The following REDIC1 variants were observed in gnomAD, a reference collection of about 807,000 sequenced individuals.
REDIC1 encodes the protein regulator of DNA class I crossover intermediates 1, also known as HEI10 Interacting Protein 1.
the REDIC1 span, among the ~76,000 whole-genome samples, chr12:39,672,810 A>G: frequency 6.6e-6 from 1 of 152,090 alleles, no homozygotes; most frequent in Non-Finnish European, 1.5e-5. Context: ...GGATATGTAG[A>G]TGCAAGGGTT....
chr12:39,739,796 G>T, the REDIC1 span, among the ~76,000 whole-genome samples: 4 of 152,248 alleles, frequency 2.6e-5, no homozygotes, highest in South Asian at 8.3e-4. Flanking sequence ...GGTGCCATCT[G>T]TTTCTCTACC....
the REDIC1 span, among the ~76,000 whole-genome samples, chr12:39,653,388 A>G: frequency 6.6e-6 from 1 of 151,800 alleles, no homozygotes; most frequent in Non-Finnish European, 1.5e-5. Flanking sequence ...TGACTTTGAC[A>G]ATTTTATTAT....
At chr12:39,730,454 ATTCTT>A in the REDIC1 span, among the ~76,000 whole-genome samples, 1 of 152,150 alleles carries the variant, frequency 6.6e-6, no homozygotes, top group East Asian at 1.9e-4. Context: ...TGGGTTGAAA[ATTCTT>A]TTCTTTAAAA....
At chr12:39,783,151 G>C in the REDIC1 span, among the ~76,000 whole-genome samples, 1 of 152,142 alleles carries the variant, frequency 6.6e-6, no homozygotes, top group South Asian at 2.1e-4. Flanking sequence ...ATAGTTTGCT[G>C]AGAATGATGG....
the REDIC1 span, among the ~76,000 whole-genome samples, chr12:39,628,066 T>C: frequency 6.6e-6 from 1 of 152,128 alleles, no homozygotes; most frequent in Non-Finnish European, 1.5e-5. Flanking sequence ...GAATCATGTT[T>C]TTGGAGCAAT....
At chr12:39,796,739 C>G in the REDIC1 span, among the ~76,000 whole-genome samples, 769 of 152,274 alleles carry the variant, frequency 5.1e-3, 1 homozygote, top group Non-Finnish European at 7.8e-3. Flanking sequence ...TTGGTTTCAG[C>G]AGTTCAGCCT....
At chr12:39,902,020 G>T in the REDIC1 span, among the ~76,000 whole-genome samples, 26 of 151,922 alleles carry the variant, frequency 1.7e-4, no homozygotes, top group Non-Finnish European at 3.2e-4. Context: ...CCAGAAAAAA[G>T]GATGAGTTCA....
At chr12:39,891,515 T>C in the REDIC1 span, among the ~76,000 whole-genome samples, 24 of 152,180 alleles carry the variant, frequency 1.6e-4, no homozygotes, top group African/African-American at 5.8e-4. Flanking sequence ...TTTACTCAAC[T>C]CTATTGTTTC....
the REDIC1 span, among the ~76,000 whole-genome samples, chr12:39,701,306 A>T: frequency 3.9e-5 from 6 of 152,170 alleles, no homozygotes; most frequent in East Asian, 1.2e-3. Flanking sequence ...GGTAAAACAG[A>T]CTTTAAATCA....
the REDIC1 span, among the ~76,000 whole-genome samples, chr12:39,647,200 A>G: frequency 1.3e-5 from 2 of 152,186 alleles, no homozygotes; most frequent in African/African-American, 4.8e-5. Context: ...ATTATTGAGC[A>G]ATTCATCTGT....
the REDIC1 span, among the ~76,000 whole-genome samples, chr12:39,885,163 G>A: frequency 6.6e-6 from 1 of 152,360 alleles, no homozygotes; most frequent in East Asian, 1.9e-4. Flanking sequence ...CAAAAGAACT[G>A]AGTGGGGAAG....
the REDIC1 span, chr12:39,682,679 A>T: frequency 2.3e-5 from 37 of 1,611,494 alleles, no homozygotes; most frequent in Non-Finnish European, 1.6e-5. Flanking sequence ...AGAAGCACGG[A>T]TGAAATAAGA....
the REDIC1 span, among the ~76,000 whole-genome samples, chr12:39,789,654 A>G: frequency 3.3e-5 from 5 of 152,290 alleles, no homozygotes; most frequent in African/African-American, 1.2e-4. Flanking sequence ...TGAAACCATT[A>G]AGATTCTCAC....
the REDIC1 span, among the ~76,000 whole-genome samples, chr12:39,671,657 G>A: frequency 6.6e-6 from 1 of 152,096 alleles, no homozygotes; most frequent in Non-Finnish European, 1.5e-5. Context: ...GCATTTGTTG[G>A]TGATAGTGGT....
the REDIC1 span, among the ~76,000 whole-genome samples, chr12:39,715,359 T>C: frequency 1.3e-5 from 2 of 151,942 alleles, no homozygotes; most frequent in African/African-American, 4.8e-5. Flanking sequence ...TCGTTGAAGA[T>C]CAGTTGGCTG....
At chr12:39,711,771 GCACATGCATGTGTATGTGTGTGTA>G in the REDIC1 span, among the ~76,000 whole-genome samples, 8 of 104,770 alleles carry the variant, frequency 7.6e-5, no homozygotes, top group East Asian at 6.9e-4. Flanking sequence ...ATGTGTGTGT[GCACATGCATGTGTATGTGTGTGTA>G]CACATGCATG....
chr12:39,829,400 T>TTTTTTTTTTTTG, the REDIC1 span: 1 of 98,746 alleles, frequency 1.0e-5, no homozygotes, highest in African/African-American at 4.3e-5. Flanking sequence ...TTCTTTTTTT[T>TTTTTTTTTTTTG]TTTTTTTTTT....
the REDIC1 span, among the ~76,000 whole-genome samples, chr12:39,697,257 A>G: frequency 6.6e-6 from 1 of 152,246 alleles, no homozygotes; most frequent in Non-Finnish European, 1.5e-5. Context: ...AAAATAGTAT[A>G]TCCAGCAAAA....
At chr12:39,689,401 C>T in the REDIC1 span, among the ~76,000 whole-genome samples, 1 of 152,164 alleles carries the variant, frequency 6.6e-6, no homozygotes, top group Non-Finnish European at 1.5e-5. Flanking sequence ...GGAGCAATTT[C>T]TGAGAGAGGT....
Sources: gnomAD v4.1 joint callset for allele counts (sites outside exome capture counted in the v4.1 genomes callset) on GRCh38, gnomAD v4.1.1 for gene constraint, MANE v1.5 for transcripts, NCBI Gene and HGNC (gene_info 2026-07-23, HGNC 2026-07-21) for gene names.